Variants in CSMD1 observed in about 807,000 individuals in gnomAD.
The protein encoded by CSMD1 is CUB and sushi domain-containing protein 1.
A neutral mutation model predicts 417.5 loss-of-function variants in CSMD1; 213 were observed. The ratio of observed to expected loss-of-function variants is 0.51; its 90% CI spans 0.46 to 0.57. CSMD1 has a LOEUF of 0.57. CSMD1 is among the 20% of genes least tolerant of loss of function. The pLI, the probability that CSMD1 is intolerant of heterozygous loss-of-function variation, is 0.00. For synonymous variants in CSMD1, 2,862 were observed against 1,736.8 expected (o/e 1.65, Z -16.11); for missense variants, 6,923 against 4,529.7 (o/e 1.53, Z -15.17).
chr8:4,830,145 G>A (rs1800067175), intron 1 of CSMD1, among the ~76,000 whole-genome samples: 3 of 152,284 alleles, frequency 2.0e-5, no homozygotes, highest in East Asian at 1.9e-4. Context: ...AATCACTCCT[G>A]AGAAATCTGA....
intron 3 of CSMD1, among the ~76,000 whole-genome samples, chr8:4,381,629 C>CA (rs2128919000): frequency 6.6e-6 from 1 of 152,266 alleles, no homozygotes; most frequent in East Asian, 1.9e-4. Flanking sequence ...CTGATCCCTC[C>CA]ACCCCTTGTA....
intron 1 of CSMD1, among the ~76,000 whole-genome samples, chr8:4,804,959 T>C (rs997353343): frequency 6.6e-6 from 1 of 152,192 alleles, no homozygotes; most frequent in Non-Finnish European, 1.5e-5. Flanking sequence ...GATAGGAACT[T>C]GAAATTAATT....
intron 1 of CSMD1, among the ~76,000 whole-genome samples, chr8:4,814,993 G>GT: frequency 6.6e-6 from 1 of 151,914 alleles, no homozygotes; most frequent in East Asian, 1.9e-4. Flanking sequence ...ATCATTTTCC[G>GT]TTTTTTAAAT....
chr8:2,950,430 A>C (rs1324641482), intron 66 of CSMD1, 87 bp from the exon 67 acceptor site: 2 of 771,672 alleles, frequency 2.6e-6, no homozygotes, highest in Non-Finnish European at 2.3e-6. Context: ...TGTGGTACGG[A>C]GATGATAATA....
chr8:3,108,073 T>G (rs1470711570), intron 44 of CSMD1, among the ~76,000 whole-genome samples: 2 of 152,210 alleles, frequency 1.3e-5, no homozygotes, highest in Non-Finnish European at 2.9e-5. Flanking sequence ...TGTTTGGAAT[T>G]CTGCAAGAAT....
intron 7 of CSMD1, among the ~76,000 whole-genome samples, chr8:3,662,546 C>T (rs1017117851): frequency 4.6e-5 from 7 of 152,198 alleles, no homozygotes; most frequent in African/African-American, 1.7e-4. Context: ...ATCCTTTTGG[C>T]TATATACCCA....
chr8:4,992,195 C>T (rs1055957570), intron 1 of CSMD1, among the ~76,000 whole-genome samples: 19 of 152,154 alleles, frequency 1.2e-4, no homozygotes, highest in African/African-American at 4.3e-4. Context: ...CAGAGCAGCC[C>T]CCGCCCACTA....
intron 1 of CSMD1, among the ~76,000 whole-genome samples, chr8:4,928,653 T>A (rs1170667758): frequency 1.3e-5 from 2 of 152,168 alleles, no homozygotes; most frequent in African/African-American, 4.8e-5. Context: ...CAGGAATTCA[T>A]TGTTACTCAG....
chr8:3,610,816 G>A (rs968474265), intron 8 of CSMD1, among the ~76,000 whole-genome samples: 1 of 152,166 alleles, frequency 6.6e-6, no homozygotes, highest in South Asian at 2.1e-4. Context: ...ATTTTAGAAG[G>A]TCTGTGAGGT....
chr8:4,337,249 A>C (rs1411081429), intron 3 of CSMD1, among the ~76,000 whole-genome samples: 1 of 152,112 alleles, frequency 6.6e-6, no homozygotes, highest in Non-Finnish European at 1.5e-5. Context: ...TGCCTGATAA[A>C]ACATAGCATC....
intron 3 of CSMD1, among the ~76,000 whole-genome samples, chr8:4,079,157 G>C (rs111689032): frequency 1.2e-3 from 178 of 151,962 alleles, no homozygotes; most frequent in Non-Finnish European, 1.9e-3. Context: ...AAGAGAAAAA[G>C]ACACAGTATA....
Position 2,991,442 on chromosome 8 carries a change from A to C in CSMD1, c.8377+6569T>G, listed in dbSNP as rs564403929. 1.4e-4 allele frequency among the ~76,000 whole-genome samples: 22 copies of C among 152,370 alleles called. No homozygotes were observed. The East Asian group carries it at 4.0e-3, about 28-fold the overall frequency. ...AAGTACAAAAGTTTATATTCATCAA[A>C]ATGAAACCAGAATCATTTTCTAAAA... On this transcript the variant is annotated intron_variant, in intron 54 of 69. Coordinates refer to ENST00000635120, the MANE Select transcript of CSMD1 (RefSeq NM_033225.6).
chr8:4,167,632 C>T (rs1010142952), intron 3 of CSMD1, among the ~76,000 whole-genome samples: 6 of 152,066 alleles, frequency 3.9e-5, no homozygotes, highest in African/African-American at 1.4e-4. Context: ...CAGATAAATC[C>T]ATCTGTTTGG....
At chr8:3,243,619 A>C (rs1799688542) in intron 26 of CSMD1, among the ~76,000 whole-genome samples, 3 of 152,074 alleles carry the variant, frequency 2.0e-5, no homozygotes, top group African/African-American at 7.2e-5. Flanking sequence ...TTGTGGTGGA[A>C]TGTCATCAGT....
At chr8:4,612,909 G>A (rs1184634138) in intron 2 of CSMD1, among the ~76,000 whole-genome samples, 2 of 152,172 alleles carry the variant, frequency 1.3e-5, no homozygotes, top group African/African-American at 2.4e-5. Flanking sequence ...AACATGATAG[G>A]CAGAGATTTT....
intron 5 of CSMD1, among the ~76,000 whole-genome samples, chr8:3,843,076 C>A (rs547530788): frequency 6.6e-6 from 1 of 152,098 alleles, no homozygotes; most frequent in East Asian, 1.9e-4. Context: ...GTTTCTATTT[C>A]AGTATCGTTT....
chr8:4,888,309 C>A (rs1803884565), intron 1 of CSMD1, among the ~76,000 whole-genome samples: 1 of 151,826 alleles, frequency 6.6e-6, no homozygotes, highest in South Asian at 2.1e-4. Context: ...ACATCAAGCC[C>A]CTGGAGGTAA....
At chr8:3,201,141 T>C (rs1455402242) in intron 32 of CSMD1, among the ~76,000 whole-genome samples, 1 of 152,186 alleles carries the variant, frequency 6.6e-6, no homozygotes, top group East Asian at 1.9e-4. Flanking sequence ...TGGGGGCTCA[T>C]GTGTATTTGC....
intron 1 of CSMD1, among the ~76,000 whole-genome samples, chr8:4,885,555 C>G (rs76025579): frequency 0.019 from 2,877 of 152,020 alleles, 113 homozygotes; most frequent in African/African-American, 0.065. Flanking sequence ...TGGATTTTGT[C>G]AAATGCTTTT....
Sources: allele counts gnomAD v4.1 joint callset (sites outside exome capture counted in the v4.1 genomes callset), GRCh38; gene constraint gnomAD v4.1.1; transcripts MANE v1.5; gene names NCBI Gene and HGNC (gene_info 2026-07-23, HGNC 2026-07-21).